Variants in USP40 observed in about 807,000 individuals in gnomAD.
USP40 encodes ubiquitin carboxyl-terminal hydrolase 40.
A neutral mutation model predicts 166.2 loss-of-function variants in USP40; 143 were observed. That is an observed-to-expected ratio of 0.86 (90% confidence interval 0.75 to 0.99). USP40 has a LOEUF of 0.99. Ranked by LOEUF, USP40 falls within the 50% of genes least tolerant of loss-of-function variation. The pLI is 0.00. For synonymous variants in USP40, 498 were observed against 524.0 expected (o/e 0.95, Z 0.68); for missense variants, 1,444 against 1,479.7 (o/e 0.98, Z 0.40).
rs1125887 is a variant in USP40 at position 233,491,158 on chromosome 2, A to G, written c.3012+9T>C. On this transcript the variant is annotated intron_variant, in intron 26 of 31. Coordinates refer to ENST00000678225, the MANE Select transcript of USP40 (RefSeq NM_001365479.2). Reference sequence around the variant, plus strand: ...TACCACTAAGTTATGGTGCAGGAAGAAGTCTGACCTGAGACTTCAGCTCCG... The same window carrying G: ...TACCACTAAGTTATGGTGCAGGAAGGAGTCTGACCTGAGACTTCAGCTCCG... 6.3e-7 allele frequency: 1 copy of G among 1,588,950 alleles called. No homozygotes were observed. The highest frequency in any genetic ancestry group is 8.6e-7 in the Non-Finnish European group (1 of 1,162,604).
intron 8 of USP40, 112 bp downstream of exon 8, chr2:233,548,989 A>G (rs2070267677): frequency 9.4e-7 from 1 of 1,066,072 alleles, no homozygotes. Flanking sequence ...GTGCCTATCA[A>G]AGTTTTCTAT....
At position 233,485,809 on chromosome 2, in the gene USP40, T is replaced by C. The variant is rs1278318055; in HGVS notation, c.3366A>G (p.Lys1122=). ...RLPVEKIEIA[K]YFPEKFEWLP... ...GCCACTCGAACTTTTCGGGAAAGTA[T>C]TTGGCAATTTCAATCTTCTCCACGG... Residue 1122 remains lysine (K), a synonymous_variant, in exon 29 of 32, where the codon AAA becomes AAG. Coordinates refer to ENST00000678225, the MANE Select transcript of USP40 (RefSeq NM_001365479.2). 4 of 1,612,038 alleles carry C rather than the reference T, an allele frequency of 2.5e-6. No homozygotes were observed. Among genetic ancestry groups the C allele is most frequent in the Non-Finnish European group, 3.4e-6 (4 of 1,179,430 alleles).
rs925299781 is a variant in USP40 at position 233,519,386 on chromosome 2, G to T, written c.2383+228C>A. 3 of 428,034 alleles carry T rather than the reference G, an allele frequency of 7.0e-6. No homozygotes were observed. The East Asian group carries it at 1.5e-4, about 21-fold the overall frequency. 26.5% of individuals were successfully genotyped at this position (428,034 alleles called of 1,614,324 possible). ...CATCAGATATACTCATTGTATCTGG[G>T]GAAGGAGAGAAAGAATAGGTCTGAG... is the stretch of plus-strand genomic sequence containing the variant. On this transcript the variant is annotated intron_variant, in intron 18 of 31. Coordinates refer to ENST00000678225, the MANE Select transcript of USP40 (RefSeq NM_001365479.2).
chr2:233,566,113 G>A (rs2072117251), intron 1 of USP40, among the ~76,000 whole-genome samples: 1 of 144,880 alleles, frequency 6.9e-6, no homozygotes. Flanking sequence ...GAGCACTTTA[G>A]TACAGTCCCG....
chr2:233,555,960 CAA>C (rs758478050), intron 5 of USP40, among the ~76,000 whole-genome samples: 1 of 151,342 alleles, frequency 6.6e-6, no homozygotes, highest in Non-Finnish European at 1.5e-5. Flanking sequence ...TAAAAAAATA[CAA>C]AAAATTAGCC....
chr2:233,511,629 A>T, intron 20 of USP40, 80 bp downstream of exon 20: 1 of 1,036,092 alleles, frequency 9.7e-7, no homozygotes, highest in Non-Finnish European at 1.4e-6. Flanking sequence ...AAACAATATT[A>T]CTGGAGTAGC....
rs78073293 is a variant in USP40 at position 233,517,194 on chromosome 2, G to A, written c.2383+2420C>T. On this transcript the variant is annotated intron_variant, in intron 18 of 31. Coordinates refer to ENST00000678225, the MANE Select transcript of USP40 (RefSeq NM_001365479.2). Reference sequence around the variant, plus strand: ...GAATGGCCATGTTGGTGTGGATATGGTGATTAGGGAACACTTCAACACTGC... The same window carrying A: ...GAATGGCCATGTTGGTGTGGATATGATGATTAGGGAACACTTCAACACTGC... 6.3e-3 allele frequency among the ~76,000 whole-genome samples: 960 copies of A among 152,190 alleles called. 21 individuals are homozygous for A. The East Asian group carries it at 0.083, about 13-fold the overall frequency.
At chr2:233,539,646 T>G (rs893147234) in intron 10 of USP40, among the ~76,000 whole-genome samples, 1 of 152,130 alleles carries the variant, frequency 6.6e-6, no homozygotes, top group African/African-American at 2.4e-5. Flanking sequence ...ATTTGTTGAA[T>G]ATAACTAGTG....
chr2:233,529,536 C>T, intron 11 of USP40, 24 bp from the exon 12 acceptor site: 1 of 1,541,136 alleles, frequency 6.5e-7, no homozygotes, highest in African/African-American at 1.4e-5. Context: ...TTTTCATTAA[C>T]TTGTGTTGGC....
Position 233,487,275 on chromosome 2 carries a change from G to A in USP40, c.3197+964C>T, listed in dbSNP as rs537214446. ...GTCATCAAAGCACTGGAGAATATGA[G>A]AACAAGATAATCATCTTTCATTTAT... On this transcript the variant is annotated intron_variant, in intron 28 of 31. Coordinates refer to ENST00000678225, the MANE Select transcript of USP40 (RefSeq NM_001365479.2). Among the ~76,000 whole-genome samples, 7 of 152,316 alleles carry A rather than the reference G, an allele frequency of 4.6e-5. No homozygotes were observed. In the South Asian group the frequency reaches 1.2e-3, roughly 27 times the overall value.
At chr2:233,514,306 C>A (rs1001346477) in intron 18 of USP40, among the ~76,000 whole-genome samples, 3 of 152,126 alleles carry the variant, frequency 2.0e-5, no homozygotes, top group Admixed American at 6.5e-5. Context: ...GAGAGTACAT[C>A]AGCAAGATTA....
At position 233,493,711 on chromosome 2, in the gene USP40, C is replaced by T. The variant is rs2065493359; in HGVS notation, c.2791-160G>A. Among the ~76,000 whole-genome samples the T allele has an allele frequency of 6.6e-6, 1 of 152,170 alleles. No individual in the cohort carries two copies. Among genetic ancestry groups the T allele is most frequent in the Non-Finnish European group, 1.5e-5 (1 of 68,022 alleles). The stretch of plus-strand genomic sequence containing the variant: ...CTGTCATAAATTATACTTGTTTTTA[C>T]AATCAAAAATTTAAAATCATAAAAA... On this transcript the variant is annotated intron_variant, in intron 24 of 31. Coordinates refer to ENST00000678225, the MANE Select transcript of USP40 (RefSeq NM_001365479.2). The surrounding 1 kb of genome is among the most constrained non-coding windows in gnomAD (Gnocchi z 4.7).
rs780905333 is a variant in USP40, at chr2:233,480,862, C to T, written c.3599+341G>A. Reference sequence around the variant, plus strand: ...CAGCAAGACGGGGTGGTTCTGGAGACCTGAGGGTGTGGGAACCTGAAGGGA... The same window carrying T: ...CAGCAAGACGGGGTGGTTCTGGAGATCTGAGGGTGTGGGAACCTGAAGGGA... On this transcript the variant is annotated intron_variant, in intron 31 of 31. Transcript: ENST00000678225. The surrounding 1 kb of genome is among the most constrained non-coding windows in gnomAD (Gnocchi z 4.5). Among the ~76,000 whole-genome samples the T allele has an allele frequency of 4.6e-5, 7 of 152,058 alleles. No individual in the cohort carries two copies. Among genetic ancestry groups the T allele is most frequent in the Non-Finnish European group, 8.8e-5 (6 of 67,992 alleles).
intron 6 of USP40, 110 bp from the exon 7 acceptor site, chr2:233,551,629 T>C (rs1315062272): frequency 1.8e-5 from 19 of 1,065,518 alleles, no homozygotes; most frequent in African/African-American, 1.6e-5. Flanking sequence ...CTAAGAGAAA[T>C]ATTACATAAA....
chr2:233,512,383 A>G (rs945450972), intron 19 of USP40, 186 bp downstream of exon 19: 20 of 362,970 alleles, frequency 5.5e-5, no homozygotes, highest in Non-Finnish European at 9.1e-5. Flanking sequence ...TTTCATTTAG[A>G]AAACAGAAGT....
At chr2:233,483,050 C>T (rs568862424) in intron 30 of USP40, among the ~76,000 whole-genome samples, 15 of 152,336 alleles carry the variant, frequency 9.8e-5, no homozygotes, top group African/African-American at 3.4e-4. Flanking sequence ...TGGAGAATAA[C>T]CCTCTGCTGT....
At position 233,565,587 on chromosome 2, in the gene USP40, A is replaced by G; in HGVS notation, c.-19-14T>C. 2 of 1,525,802 alleles carry G rather than the reference A, an allele frequency of 1.3e-6. No homozygotes were observed. Among genetic ancestry groups the G allele is most frequent in the Non-Finnish European group, 1.8e-6 (2 of 1,141,758 alleles). The allele number at this position is 1,525,802 out of a possible 1,614,324, so 94.5% of individuals were successfully genotyped here. A position where few individuals can be genotyped will look rare whatever the true frequency, so the allele number is the denominator to read the frequency against. On this transcript the variant is annotated splice_polypyrimidine_tract_variant and intron_variant, in intron 1 of 31. Transcript: ENST00000678225. ...CTAAATACTACCCTTAAAAAAAGTG[A>G]CATATAAATGCTTTTATTTTTAAAA...
chr2:233,536,383 C>T (rs968514454), intron 10 of USP40, among the ~76,000 whole-genome samples: 1 of 152,160 alleles, frequency 6.6e-6, no homozygotes, highest in African/African-American at 2.4e-5. Flanking sequence ...ATTAGCAAAG[C>T]TGAGGACAGA....
chr2:233,501,862 C>G lies in USP40; in HGVS notation c.2614-1947G>C, dbSNP rs74418877. ...CAAGTGGCAGCTGGATGTTCTGGGC[C>G]GAGGTCCAATCTAAGAACTGGGCAG... On this transcript the variant is annotated intron_variant, in intron 21 of 31. Transcript: ENST00000678225. Among the ~76,000 whole-genome samples the G allele has an allele frequency of 6.3e-3, 965 of 152,176 alleles. 22 individuals are homozygous for G. The East Asian group carries it at 0.084, about 13-fold the overall frequency.
Sources: gnomAD v4.1 joint callset for allele counts (sites outside exome capture counted in the v4.1 genomes callset) on GRCh38, gnomAD v4.1.1 for gene constraint, Gnocchi (gnomAD v3.1) non-coding constraint, MANE v1.5 for transcripts, NCBI Gene and HGNC (gene_info 2026-07-23, HGNC 2026-07-21) for gene names.